Variants in DNAI3 observed in about 807,000 individuals in gnomAD.
The protein encoded by DNAI3 is dynein axonemal intermediate chain 3.
DNAI3 carries 83 observed loss-of-function variants against 115.5 expected under a neutral mutation model. The ratio of observed to expected loss-of-function variants is 0.72; its 90% CI spans 0.60 to 0.86. The LOEUF (loss-of-function observed/expected upper bound fraction) is 0.86, where lower values mean the gene tolerates loss of function less well. Ranked by LOEUF, DNAI3 falls within the 40% of genes least tolerant of loss-of-function variation. The probability of loss-of-function intolerance (pLI) is 0.00; values close to 1 mark genes in which losing one functional copy is unlikely to be tolerated. For synonymous variants in DNAI3, 320 were observed against 347.0 expected (o/e 0.92, Z 0.86); for missense variants, 1,004 against 1,075.8 (o/e 0.93, Z 0.93).
At chr1:85,063,151 C>G (rs944066004) in intron 1 of DNAI3, among the ~76,000 whole-genome samples, 7 of 152,110 alleles carry the variant, frequency 4.6e-5, no homozygotes, top group African/African-American at 1.7e-4. Flanking sequence ...TTTGCAGAGG[C>G]CTGACATAAG....
intron 19 of DNAI3, among the ~76,000 whole-genome samples, chr1:85,124,668 C>T (rs542076518): frequency 1.6e-4 from 24 of 152,240 alleles, no homozygotes; most frequent in Middle Eastern, 3.4e-3. Context: ...GTAGCTGGGA[C>T]GACAGGTGTA....
chr1:85,102,337 C>T (rs1481310436), intron 13 of DNAI3, among the ~76,000 whole-genome samples: 3 of 151,762 alleles, frequency 2.0e-5, no homozygotes, highest in East Asian at 1.9e-4. Flanking sequence ...ATATGTCCAT[C>T]GGCTATGCAT....
intron 1 of DNAI3, among the ~76,000 whole-genome samples, chr1:85,066,470 G>T (rs1571148873): frequency 6.6e-6 from 1 of 151,772 alleles, no homozygotes; most frequent in East Asian, 1.9e-4. Context: ...GAGACTACAG[G>T]CGCCTGCCAC....
At chr1:85,132,785 C>G (rs1211327001) in intron 22 of DNAI3, 70 bp from the exon 23 acceptor site, 108 of 1,564,770 alleles carry the variant, frequency 6.9e-5, no homozygotes, top group Non-Finnish European at 1.7e-6. Flanking sequence ...ACAAACAGCC[C>G]CTTCTCATCC....
chr1:85,084,006 T>TA (rs1484568363), intron 5 of DNAI3, among the ~76,000 whole-genome samples: 2 of 151,754 alleles, frequency 1.3e-5, no homozygotes, highest in Non-Finnish European at 2.9e-5. Context: ...TCAGTACATT[T>TA]AGATACCATA....
intron 1 of DNAI3, among the ~76,000 whole-genome samples, chr1:85,070,592 T>A (rs1479660792): frequency 6.6e-6 from 1 of 152,132 alleles, no homozygotes; most frequent in Non-Finnish European, 1.5e-5. Context: ...TTAACCATAA[T>A]CCATTGCATA....
chr1:85,126,366 A>G, intron 19 of DNAI3, 145 bp from the exon 20 acceptor site: 1 of 812,886 alleles, frequency 1.2e-6, no homozygotes, highest in Non-Finnish European at 1.9e-6. Context: ...CCCTACAACA[A>G]AGAGAAGTAA....
chr1:85,094,166 AT>A lies in DNAI3; in HGVS notation c.1049-261del, dbSNP rs1445697989. ...TCTCACAAAAAAGAAACAAAACAAG[AT>A]TTTCTTTTCTTCCAAAATCTTCTGA... On this transcript the variant is annotated intron_variant, in intron 9 of 22. Coordinates refer to ENST00000294664, the MANE Select transcript of DNAI3 (RefSeq NM_145172.5). 4 of 481,070 alleles carry A rather than the reference AT, an allele frequency of 8.3e-6. No homozygotes were observed. The East Asian group carries it at 1.5e-4, about 18-fold the overall frequency. 29.8% of individuals were successfully genotyped at this position (481,070 alleles called of 1,614,324 possible).
intron 12 of DNAI3, 129 bp from the exon 13 acceptor site, chr1:85,098,401 C>A: frequency 9.1e-7 from 1 of 1,098,788 alleles, no homozygotes; most frequent in Non-Finnish European, 1.3e-6. Context: ...TAGAGAAACA[C>A]TAATTTATGT....
intron 5 of DNAI3, 143 bp from the exon 6 acceptor site, chr1:85,084,396 TAATTCAA>T (rs1426521614): frequency 4.7e-6 from 2 of 424,410 alleles, no homozygotes; most frequent in African/African-American, 4.2e-5. Flanking sequence ...TTCCTTTTCA[TAATTCAA>T]AAGTGTGAAT....
chr1:85,087,313 G>A (rs1350350124), intron 7 of DNAI3, among the ~76,000 whole-genome samples: 2 of 151,494 alleles, frequency 1.3e-5, no homozygotes, highest in South Asian at 2.1e-4. Context: ...ACGTGTGCCT[G>A]TAATCCCAGC....
At chr1:85,114,015 C>CTTTTTTTTTTTT (rs58178754) in intron 16 of DNAI3, among the ~76,000 whole-genome samples, 2 of 117,670 alleles carry the variant, frequency 1.7e-5, no homozygotes, top group African/African-American at 3.2e-5. Flanking sequence ...CAATTTGTAT[C>CTTTTTTTTTTTT]TTTTTTTTTT....
intron 15 of DNAI3, 61 bp from the exon 16 acceptor site, chr1:85,109,987 A>G (rs963684211): frequency 9.8e-6 from 15 of 1,526,492 alleles, no homozygotes; most frequent in South Asian, 2.3e-5. Flanking sequence ...GCAAGAATAA[A>G]TTACCCAAGG....
intron 5 of DNAI3, among the ~76,000 whole-genome samples, chr1:85,083,794 T>C (rs765819092): frequency 6.6e-6 from 1 of 152,058 alleles, no homozygotes; most frequent in Non-Finnish European, 1.5e-5. Context: ...TTTTCTTTAC[T>C]CCTCCCTATA....
intron 19 of DNAI3, among the ~76,000 whole-genome samples, chr1:85,125,377 A>G (rs1371916583): frequency 1.3e-5 from 2 of 152,108 alleles, no homozygotes; most frequent in East Asian, 3.8e-4. Context: ...ATACATATAT[A>G]AATGTATATA....
chr1:85,126,517 C>A lies in DNAI3; in HGVS notation c.2119C>A (p.Pro707Thr). ...TTTAAAAATTTGTTTAAAGACTGGA[C>A]CGCTCCTTCAGTCATGCTGTGCACC... ...AIWKEGVMTG[P>T]LLQSCCAPKR... The change falls in exon 20 of 23, where the codon CCG becomes ACG. Residue 707 changes from proline to threonine, a missense_variant. Around this residue, in one of 3 missense-constraint regions of DNAI3, gnomAD observed 429 missense variants for 454.3 expected, o/e 0.94. Coordinates refer to ENST00000294664, the MANE Select transcript of DNAI3 (RefSeq NM_145172.5). 2 of 1,612,926 alleles carry A rather than the reference C, an allele frequency of 1.2e-6. No individual in the cohort carries two copies. Among genetic ancestry groups the A allele is most frequent in the Non-Finnish European group, 1.7e-6 (2 of 1,179,398 alleles).
intron 11 of DNAI3, among the ~76,000 whole-genome samples, chr1:85,097,245 T>C (rs1655152533): frequency 6.6e-6 from 1 of 152,190 alleles, no homozygotes; most frequent in African/African-American, 2.4e-5. Flanking sequence ...CAACTGTCCC[T>C]ACAATCATAG....
At chr1:85,103,882 T>C (rs1460797850) in intron 13 of DNAI3, among the ~76,000 whole-genome samples, 1 of 114,568 alleles carries the variant, frequency 8.7e-6, no homozygotes, top group Non-Finnish European at 1.8e-5. Context: ...ATGAGATGCC[T>C]TCTCAAAATA....
chr1:85,084,412 A>C, intron 5 of DNAI3, 134 bp from the exon 6 acceptor site: 1 of 563,850 alleles, frequency 1.8e-6, no homozygotes, highest in Non-Finnish European at 2.5e-6. Context: ...AAAAGTGTGA[A>C]TTGACAAAAA....
Sources: allele counts gnomAD v4.1 joint callset (sites outside exome capture counted in the v4.1 genomes callset), GRCh38; gene constraint gnomAD v4.1.1; regional missense constraint gnomAD v4.1.1; transcripts MANE v1.5; gene names NCBI Gene and HGNC (gene_info 2026-07-23, HGNC 2026-07-21).